The following HSD17B11 variants were observed in gnomAD, a reference collection of about 807,000 sequenced individuals.
The protein encoded by HSD17B11 is hydroxysteroid 17-beta dehydrogenase 11.
In HSD17B11, 22 loss-of-function variants were observed where a neutral mutation model predicts 27.8. That is an observed-to-expected ratio of 0.79 (90% CI 0.56 to 1.13). HSD17B11 has a LOEUF of 1.13. HSD17B11 is among the 50% of genes most tolerant of loss of function. The pLI, the probability that HSD17B11 is intolerant of heterozygous loss-of-function variation, is 0.00. For missense variants in HSD17B11, 314 were observed against 351.1 expected, an observed-to-expected ratio of 0.89 and a Z score of 0.84; for synonymous variants, 117 against 132.8, an observed-to-expected ratio of 0.88 and a Z score of 0.82.
intron 1 of HSD17B11, chr4:87,387,065 T>C (rs1720339654): frequency 6.6e-6 from 1 of 152,154 alleles, no homozygotes; most frequent in Admixed American, 6.5e-5. Context: ...ATTCTGAACT[T>C]ATGCAGACAT....
chr4:87,358,579 A>AT, intron 4 of HSD17B11, among the ~76,000 whole-genome samples: 1 of 152,278 alleles, frequency 6.6e-6, no homozygotes, highest in Admixed American at 6.5e-5. Flanking sequence ...GGTTTTTGAT[A>AT]TATAATTAAC....
chr4:87,384,614 G>A (rs183349531), intron 1 of HSD17B11, among the ~76,000 whole-genome samples: 31 of 152,114 alleles, frequency 2.0e-4, no homozygotes, highest in African/African-American at 5.6e-4. Flanking sequence ...GGGAATGTCC[G>A]TCCTATGTGG....
At chr4:87,387,269 T>C (rs569334990) in intron 1 of HSD17B11, 1 of 152,342 alleles carries the variant, frequency 6.6e-6, no homozygotes, top group South Asian at 2.1e-4. Flanking sequence ...TCAGGCTTAG[T>C]GGAACAACAA....
intron 3 of HSD17B11, 79 bp downstream of exon 3, chr4:87,374,620 T>G: frequency 7.3e-7 from 1 of 1,368,648 alleles, no homozygotes; most frequent in South Asian, 1.3e-5. Flanking sequence ...ATTTAATACT[T>G]CCTTATGTCT....
chr4:87,384,578 C>T (rs191051289), intron 1 of HSD17B11, among the ~76,000 whole-genome samples: 6 of 152,122 alleles, frequency 3.9e-5, no homozygotes, highest in Admixed American at 6.5e-5. Flanking sequence ...TGCATTCCTA[C>T]GGGGAGGTCT....
chr4:87,368,970 C>A (rs573209824), intron 4 of HSD17B11, among the ~76,000 whole-genome samples: 45 of 152,298 alleles, frequency 3.0e-4, no homozygotes, highest in Non-Finnish European at 5.6e-4. Flanking sequence ...AGTAGCCATT[C>A]TTTTATTCCT....
rs201942786 is a variant in HSD17B11 at position 87,374,780 on chromosome 4, T to C, written c.369A>G (p.Val123=). 6.3e-7 allele frequency: 1 copy of C among 1,594,622 alleles called. No individual in the cohort carries two copies. Among genetic ancestry groups the C allele is most frequent in the African/African-American group, 1.3e-5 (1 of 74,214 alleles). ...DVSILVNNAG[V]VYTSDLFATQ... ...TAGCAAACAAATCTGATGTATAGAC[T>C]ACACCAGCATTATTTACTAAAATAC... Residue 123 remains valine, a synonymous_variant, in exon 3 of 7, where the codon GTA becomes GTG. Transcript: ENST00000358290.
chr4:87,390,262 T>C (rs1440593958), intron 1 of HSD17B11, among the ~76,000 whole-genome samples: 1 of 152,204 alleles, frequency 6.6e-6, no homozygotes, highest in African/African-American at 2.4e-5. Context: ...GTTCCCGCCA[T>C]TCTCCTGCCT....
At chr4:87,371,017 G>A (rs1419705533) in intron 4 of HSD17B11, among the ~76,000 whole-genome samples, 5 of 138,900 alleles carry the variant, frequency 3.6e-5, no homozygotes, top group African/African-American at 1.5e-4. Context: ...CTCCCAAAGT[G>A]CTGGGATTAC....
intron 1 of HSD17B11, among the ~76,000 whole-genome samples, chr4:87,382,809 T>C (rs955449284): frequency 2.0e-5 from 3 of 152,240 alleles, no homozygotes; most frequent in African/African-American, 7.2e-5. Context: ...AGCATTTTAA[T>C]GTGAAGGTCA....
chr4:87,370,026 ACT>A (rs963410956), intron 4 of HSD17B11, among the ~76,000 whole-genome samples: 4 of 152,122 alleles, frequency 2.6e-5, no homozygotes, highest in Non-Finnish European at 4.4e-5. Flanking sequence ...TTGAACTAAA[ACT>A]CTGAAAAGAA....
In HSD17B11 at chr4:87,362,565, G is replaced by A. The variant is rs533522280; in HGVS notation, c.558-5149C>T. On this transcript the variant is annotated intron_variant, in intron 4 of 6. Transcript: ENST00000358290. ...ATAAAATAATAAATAAAATGAATAA[G>A]ATTTAGGGGGTTAGAGGACCCTCTC... Among the ~76,000 whole-genome samples the A allele has an allele frequency of 2.0e-5, 3 of 152,060 alleles. No homozygotes were observed. The South Asian group carries it at 6.2e-4, about 32-fold the overall frequency.
At chr4:87,358,051 T>C (rs1449163087) in intron 4 of HSD17B11, among the ~76,000 whole-genome samples, 1 of 133,976 alleles carries the variant, frequency 7.5e-6, no homozygotes, top group Non-Finnish European at 1.5e-5. Flanking sequence ...AAGCTCCGCC[T>C]CCCGGGTTCC....
At chr4:87,369,154 T>G (rs771711985) in intron 4 of HSD17B11, among the ~76,000 whole-genome samples, 1 of 152,222 alleles carries the variant, frequency 6.6e-6, no homozygotes, top group Non-Finnish European at 1.5e-5. Context: ...AAACCTTATT[T>G]TCTGATTTTA....
At chr4:87,364,220 C>T (rs765924685) in intron 4 of HSD17B11, among the ~76,000 whole-genome samples, 3 of 145,356 alleles carry the variant, frequency 2.1e-5, no homozygotes, top group Non-Finnish European at 3.0e-5. Context: ...CTTCTGGTAG[C>T]TTGGGACTAC....
At chr4:87,354,396 G>T (rs1031018684) in intron 5 of HSD17B11, among the ~76,000 whole-genome samples, 17 of 152,130 alleles carry the variant, frequency 1.1e-4, no homozygotes, top group African/African-American at 4.1e-4. Flanking sequence ...GAAGTTGGGA[G>T]AATGACTTGA....
chr4:87,385,901 C>G (rs1424343284), intron 1 of HSD17B11: 4 of 143,844 alleles, frequency 2.8e-5, no homozygotes, highest in African/African-American at 1.1e-4. Context: ...GGCAACAGTG[C>G]GAGACTCTAT....
intron 4 of HSD17B11, among the ~76,000 whole-genome samples, chr4:87,369,195 G>C (rs1188464006): frequency 6.6e-6 from 1 of 152,054 alleles, no homozygotes; most frequent in East Asian, 1.9e-4. Context: ...AGAATATATT[G>C]AAAGTCAGAG....
At chr4:87,371,794 A>G (rs1281540763) in intron 4 of HSD17B11, among the ~76,000 whole-genome samples, 1 of 152,194 alleles carries the variant, frequency 6.6e-6, no homozygotes, top group African/African-American at 2.4e-5. Context: ...CACAGACTGT[A>G]GTAGTTCAGG....
Sources: gnomAD v4.1 joint callset for allele counts (sites outside exome capture counted in the v4.1 genomes callset) on GRCh38, gnomAD v4.1.1 for gene constraint, MANE v1.5 for transcripts, NCBI Gene and HGNC (gene_info 2026-07-23, HGNC 2026-07-21) for gene names.